Variants in SCLT1 observed in about 807,000 individuals in gnomAD.
SCLT1 encodes the protein sodium channel-associated protein 1.
SCLT1 carries 78 observed loss-of-function variants against 112.8 expected under a neutral mutation model. The observed-to-expected ratio is 0.69, with a 90% CI of 0.58 to 0.83. SCLT1 has a LOEUF of 0.83. Among genes scored for constraint, SCLT1 ranks in the 40% least tolerant of loss-of-function variants. The pLI, the probability that SCLT1 is intolerant of heterozygous loss-of-function variation, is 0.00. For synonymous variants in SCLT1, 257 were observed against 254.7 expected, an observed-to-expected ratio of 1.01 and a Z score of -0.09; for missense variants, 747 against 770.4, an observed-to-expected ratio of 0.97 and a Z score of 0.36.
intron 3 of SCLT1, among the ~76,000 whole-genome samples, chr4:128,876,877 A>T (rs1418665888): frequency 1.3e-5 from 2 of 152,188 alleles, no homozygotes; most frequent in African/African-American, 4.8e-5. Context: ...TCCTTTATGA[A>T]TTCTTCAACT....
intron 4 of SCLT1, chr4:129,039,995 T>G: frequency 1.8e-6 from 1 of 545,808 alleles, no homozygotes; most frequent in Non-Finnish European, 3.3e-6. Flanking sequence ...TAATTCATGA[T>G]TGTGTATTAG....
intron 18 of SCLT1, among the ~76,000 whole-genome samples, chr4:128,896,972 G>GA (rs1259901671): frequency 5.9e-5 from 9 of 152,058 alleles, no homozygotes; most frequent in African/African-American, 1.9e-4. Context: ...GAAGTTTAGA[G>GA]AAAAAAGAAT....
chr4:128,902,532 T>C (rs949528196), intron 18 of SCLT1, among the ~76,000 whole-genome samples: 1 of 152,178 alleles, frequency 6.6e-6, no homozygotes, highest in Non-Finnish European at 1.5e-5. Context: ...GTAAAAATAC[T>C]GTATAAAAGA....
chr4:129,078,630 G>C (rs944647246), intron 2 of SCLT1, among the ~76,000 whole-genome samples: 28 of 152,120 alleles, frequency 1.8e-4, no homozygotes, highest in Admixed American at 9.2e-4. Context: ...CTGGTCTTTG[G>C]AAATAAAAGC....
intron 2 of SCLT1, among the ~76,000 whole-genome samples, chr4:129,068,245 G>A (rs865775146): frequency 6.6e-5 from 10 of 152,046 alleles, no homozygotes; most frequent in African/African-American, 2.4e-4. Flanking sequence ...TCAGTAGTAG[G>A]ATTGCTGGAT....
At chr4:129,010,877 G>A (rs1744458330) in intron 5 of SCLT1, among the ~76,000 whole-genome samples, 1 of 152,152 alleles carries the variant, frequency 6.6e-6, no homozygotes, top group African/African-American at 2.4e-5. Flanking sequence ...AATACGGATA[G>A]TTTGACTTCC....
At chr4:129,074,474 C>T (rs1174085090) in intron 2 of SCLT1, among the ~76,000 whole-genome samples, 2 of 152,018 alleles carry the variant, frequency 1.3e-5, no homozygotes, top group Admixed American at 6.6e-5. Context: ...TTTCCATTTG[C>T]TAGTGAAACT....
At chr4:128,932,194 C>T (rs1422134868) in intron 18 of SCLT1, among the ~76,000 whole-genome samples, 1 of 152,002 alleles carries the variant, frequency 6.6e-6, no homozygotes, top group African/African-American at 2.4e-5. Flanking sequence ...AAAACTGAAA[C>T]AAAATTTCCT....
At chr4:129,054,521 T>C (rs569883013) in intron 2 of SCLT1, among the ~76,000 whole-genome samples, 1 of 152,232 alleles carries the variant, frequency 6.6e-6, no homozygotes, top group African/African-American at 2.4e-5. Context: ...TCTGATATCC[T>C]TTCTTCCGCT....
At chr4:129,034,944 T>C (rs1190321570) in intron 5 of SCLT1, among the ~76,000 whole-genome samples, 1 of 152,114 alleles carries the variant, frequency 6.6e-6, no homozygotes, top group East Asian at 1.9e-4. Context: ...AATCTCTTTA[T>C]CAGTACACTT....
intron 18 of SCLT1, among the ~76,000 whole-genome samples, chr4:128,925,963 A>C (rs1736264143): frequency 6.6e-6 from 1 of 151,844 alleles, no homozygotes. Flanking sequence ...TAAATCACTA[A>C]GAATATTTAC....
At chr4:128,936,920 T>C in intron 17 of SCLT1, 69 bp from the exon 18 acceptor site, 1 of 615,604 alleles carries the variant, frequency 1.6e-6, no homozygotes, top group Non-Finnish European at 2.6e-6. Flanking sequence ...CAATGATATA[T>C]ACAAAAGGAA....
intron 5 of SCLT1, among the ~76,000 whole-genome samples, chr4:129,035,846 TA>T (rs1281217997): frequency 4.0e-5 from 6 of 151,044 alleles, no homozygotes; most frequent in African/African-American, 1.5e-4. Flanking sequence ...TAATAATATG[TA>T]TTTTTTTTTT....
At chr4:128,973,527 A>G (rs1740886393) in intron 9 of SCLT1, among the ~76,000 whole-genome samples, 1 of 151,666 alleles carries the variant, frequency 6.6e-6, no homozygotes, top group South Asian at 2.1e-4. Context: ...AGAGGGAGAG[A>G]GAGAAAGAGA....
rs1561079993 is a variant in SCLT1, at chr4:129,093,063, A to C, written c.34+7T>G. ...TATATGAAGTCTCAAAAAAACATGG[A>C]GCTTACTTTGCTCTCTCAGAAAGTC... On this transcript the variant is annotated splice_region_variant and intron_variant, in intron 1 of 20. Coordinates refer to ENST00000281142, the MANE Select transcript of SCLT1 (RefSeq NM_144643.4). 1.2e-6 allele frequency: 2 copies of C among 1,606,036 alleles called. No homozygotes were observed. The highest frequency in any genetic ancestry group is 2.7e-5 in the African/African-American group (2 of 74,880).
intron 5 of SCLT1, among the ~76,000 whole-genome samples, chr4:129,023,812 G>C (rs1745730380): frequency 6.6e-6 from 1 of 152,202 alleles, no homozygotes. Flanking sequence ...GACTGCACCT[G>C]GAAAATCGGG....
At chr4:129,082,452 G>T in intron 1 of SCLT1, 79 bp from the exon 2 acceptor site, 1 of 789,432 alleles carries the variant, frequency 1.3e-6, no homozygotes, top group Non-Finnish European at 2.0e-6. Flanking sequence ...GTAATTATTT[G>T]ATGTATCCCA....
chr4:128,933,024 T>G (rs1418051836), intron 18 of SCLT1, among the ~76,000 whole-genome samples: 1 of 152,174 alleles, frequency 6.6e-6, no homozygotes, highest in Non-Finnish European at 1.5e-5. Flanking sequence ...TCGATACTAT[T>G]CAAAGTGAGC....
At chr4:128,932,233 T>A (rs1374756639) in intron 18 of SCLT1, among the ~76,000 whole-genome samples, 1 of 152,138 alleles carries the variant, frequency 6.6e-6, no homozygotes, top group African/African-American at 2.4e-5. Flanking sequence ...ATAGGTTTTT[T>A]AAAAAGTATA....
Sources: gnomAD v4.1 joint callset for allele counts (sites outside exome capture counted in the v4.1 genomes callset) on GRCh38, gnomAD v4.1.1 for gene constraint, MANE v1.5 for transcripts, NCBI Gene and HGNC (gene_info 2026-07-23, HGNC 2026-07-21) for gene names.